Variants in ARHGAP15 observed in about 807,000 individuals in gnomAD.
ARHGAP15 encodes the protein Rho GTPase activating protein 15, also known as rho GTPase-activating protein 15.
A neutral mutation model predicts 63.7 loss-of-function variants in ARHGAP15; 51 were observed. That is an observed-to-expected ratio of 0.80 (90% CI 0.64 to 1.01). The LOEUF is 1.01. Ranked by LOEUF, ARHGAP15 falls within the 50% of genes least tolerant of loss-of-function variation. The pLI, the probability that ARHGAP15 is intolerant of heterozygous loss-of-function variation, is 0.00. For missense variants in ARHGAP15, 560 were observed against 564.6 expected (o/e 0.99, Z 0.08); for synonymous variants, 191 against 193.8 (o/e 0.99, Z 0.12).
At chr2:143,509,241 A>C (rs1693463295) in intron 9 of ARHGAP15, among the ~76,000 whole-genome samples, 1 of 152,148 alleles carries the variant, frequency 6.6e-6, no homozygotes, top group African/African-American at 2.4e-5. Context: ...CTATTCACAG[A>C]AGCGCATATA....
At chr2:143,644,262 C>A (rs1017339052) in intron 12 of ARHGAP15, among the ~76,000 whole-genome samples, 4 of 151,998 alleles carry the variant, frequency 2.6e-5, no homozygotes, top group African/African-American at 7.2e-5. Flanking sequence ...TGGAACTCAG[C>A]AAGGCCTGTT....
chr2:143,613,694 T>C (rs1698344224), intron 11 of ARHGAP15, among the ~76,000 whole-genome samples: 1 of 152,216 alleles, frequency 6.6e-6, no homozygotes, highest in African/African-American at 2.4e-5. Context: ...CCATCAGTTT[T>C]CTAGACTTCT....
chr2:143,382,828 C>T (rs761955676), intron 6 of ARHGAP15, among the ~76,000 whole-genome samples: 8 of 152,116 alleles, frequency 5.3e-5, no homozygotes, highest in Non-Finnish European at 8.8e-5. Context: ...TGAGAGTTCC[C>T]GTAGCAGAAA....
chr2:143,403,586 T>C (rs1202605322), intron 6 of ARHGAP15, among the ~76,000 whole-genome samples: 2 of 151,822 alleles, frequency 1.3e-5, no homozygotes. Flanking sequence ...TTTCTTAAAC[T>C]GTTTTTAAAA....
At chr2:143,180,802 T>A (rs1460260858) in intron 2 of ARHGAP15, among the ~76,000 whole-genome samples, 1 of 151,998 alleles carries the variant, frequency 6.6e-6, no homozygotes, top group East Asian at 1.9e-4. Context: ...GCCTCCCGAG[T>A]AGCTGGGACT....
intron 6 of ARHGAP15, among the ~76,000 whole-genome samples, chr2:143,349,286 G>GA (rs1466705154): frequency 2.6e-5 from 4 of 152,214 alleles, no homozygotes; most frequent in Non-Finnish European, 5.9e-5. Flanking sequence ...AACTATTGTT[G>GA]AAAAAAGATC....
chr2:143,222,226 T>G (rs541871863), intron 4 of ARHGAP15, among the ~76,000 whole-genome samples: 1 of 152,240 alleles, frequency 6.6e-6, no homozygotes, highest in Non-Finnish European at 1.5e-5. Context: ...TAACAGTGTC[T>G]GAGTGATTTT....
chr2:143,766,314 A>T (rs545692091), intron 13 of ARHGAP15, among the ~76,000 whole-genome samples: 1 of 152,036 alleles, frequency 6.6e-6, no homozygotes, highest in Non-Finnish European at 1.5e-5. Flanking sequence ...CCAGGACGTA[A>T]CTCCTCCCTT....
intron 11 of ARHGAP15, among the ~76,000 whole-genome samples, chr2:143,586,922 C>T (rs1292952081): frequency 2.0e-5 from 3 of 151,816 alleles, no homozygotes; most frequent in African/African-American, 7.3e-5. Context: ...TCTTTCTCTC[C>T]TCCTCCATCC....
chr2:143,755,933 T>G (rs866990841), intron 13 of ARHGAP15, among the ~76,000 whole-genome samples: 15 of 151,812 alleles, frequency 9.9e-5, no homozygotes, highest in Admixed American at 3.3e-4. Context: ...GCCACTGCAC[T>G]CCAGCCTGGG....
At chr2:143,640,821 T>C (rs1680565189) in intron 12 of ARHGAP15, 1 of 152,188 alleles carries the variant, frequency 6.6e-6, no homozygotes, top group Non-Finnish European at 1.5e-5. Context: ...GTGTTTATTC[T>C]AGTTGTTTCA....
At chr2:143,258,550 A>T (rs1265095123) in intron 6 of ARHGAP15, among the ~76,000 whole-genome samples, 2 of 152,140 alleles carry the variant, frequency 1.3e-5, no homozygotes, top group African/African-American at 4.8e-5. Context: ...AAAATTCAAA[A>T]GGATATAAAA....
At chr2:143,248,272 GC>G (rs1489857629) in intron 5 of ARHGAP15, among the ~76,000 whole-genome samples, 2 of 152,154 alleles carry the variant, frequency 1.3e-5, no homozygotes, top group African/African-American at 4.8e-5. Context: ...ATAAGAAGGA[GC>G]CAGCCGTGTG....
At chr2:143,592,311 T>G (rs1269174209) in intron 11 of ARHGAP15, among the ~76,000 whole-genome samples, 1 of 152,256 alleles carries the variant, frequency 6.6e-6, no homozygotes, top group South Asian at 2.1e-4. Flanking sequence ...TTGCCTATAA[T>G]GTATCTGGTT....
chr2:143,169,354 T>C (rs1690675179), intron 2 of ARHGAP15, among the ~76,000 whole-genome samples: 1 of 151,976 alleles, frequency 6.6e-6, no homozygotes, highest in Non-Finnish European at 1.5e-5. Flanking sequence ...TTTTTACCTA[T>C]CTGGCATTTG....
At chr2:143,563,262 G>A (rs1021012610) in intron 11 of ARHGAP15, among the ~76,000 whole-genome samples, 17 of 152,182 alleles carry the variant, frequency 1.1e-4, no homozygotes, top group African/African-American at 2.4e-5. Context: ...ATGACAAGTA[G>A]ATAGATGAAA....
intron 6 of ARHGAP15, among the ~76,000 whole-genome samples, chr2:143,316,705 A>G (rs1683736697): frequency 6.6e-6 from 1 of 150,474 alleles, no homozygotes; most frequent in African/African-American, 2.5e-5. Flanking sequence ...AGATTCTCTG[A>G]TCAATTCTGT....
chr2:143,519,252 T>C lies in ARHGAP15; in HGVS notation c.827-14T>C. 1 of 1,592,704 alleles carries C rather than the reference T, an allele frequency of 6.3e-7. No homozygotes were observed. Among genetic ancestry groups the C allele is most frequent in the East Asian group, 2.2e-5 (1 of 44,678 alleles). ...CTTGGATTTTAATGAAGCTCATCTT[T>C]GTTTCTTTTGCAGATCAAATTTTTG... On this transcript the variant is annotated splice_polypyrimidine_tract_variant and intron_variant, in intron 9 of 13. Transcript: ENST00000295095.
At chr2:143,167,567 C>T (rs1690594132) in intron 2 of ARHGAP15, among the ~76,000 whole-genome samples, 1 of 152,098 alleles carries the variant, frequency 6.6e-6, no homozygotes, top group African/African-American at 2.4e-5. Flanking sequence ...CTTTCTAACT[C>T]TGAGCCCCCT....
Sources: allele counts gnomAD v4.1 joint callset (sites outside exome capture counted in the v4.1 genomes callset), GRCh38; gene constraint gnomAD v4.1.1; transcripts MANE v1.5; gene names NCBI Gene and HGNC (gene_info 2026-07-23, HGNC 2026-07-21).